The following AQR variants were observed in gnomAD, a reference collection of about 807,000 sequenced individuals.
AQR encodes the protein aquarius intron-binding spliceosomal factor.
In AQR, 61 loss-of-function variants were observed where a neutral mutation model predicts 180.5. The ratio of observed to expected loss-of-function variants is 0.34; its 90% CI spans 0.28 to 0.42. The LOEUF (loss-of-function observed/expected upper bound fraction) is 0.42. Among genes scored for constraint, AQR ranks in the 10% least tolerant of loss-of-function variants. The pLI is 1.00. For missense variants in AQR, 1,281 were observed against 1,798.3 expected, an observed-to-expected ratio of 0.71 and a Z score of 5.20; for synonymous variants, 551 against 588.8, an observed-to-expected ratio of 0.94 and a Z score of 0.93.
intron 9 of AQR, among the ~76,000 whole-genome samples, chr15:34,938,300 G>A (rs1411495121): frequency 2.0e-5 from 3 of 152,140 alleles, no homozygotes; most frequent in Admixed American, 1.3e-4. Flanking sequence ...TTGAGAGGCT[G>A]AGGTGGATGG....
chr15:34,916,899 AAAG>A (rs1893601548), intron 15 of AQR, among the ~76,000 whole-genome samples: 1 of 118,650 alleles, frequency 8.4e-6, no homozygotes, highest in African/African-American at 3.4e-5. Context: ...AAAAAAAAAA[AAAG>A]AAAGAAAGAA....
Position 34,893,656 on chromosome 15 carries a change from C to CAT in AQR, c.2571+5_2571+6dup, listed in dbSNP as rs1893187747. On this transcript the variant is annotated splice_region_variant and intron_variant, in intron 23 of 34. Coordinates refer to ENST00000156471, the MANE Select transcript of AQR (RefSeq NM_014691.3). ...ACACACACACACACACACACACAGTCATTTACCTGATTGGAATGAGTAACA... is the reference window on the plus strand; with the variant it reads ...ACACACACACACACACACACACAGTCATATTTACCTGATTGGAATGAGTAACA... The CAT allele has an allele frequency of 6.5e-7, 1 of 1,548,988 alleles. No homozygotes were observed. Among genetic ancestry groups the CAT allele is most frequent in the African/African-American group, 1.4e-5 (1 of 71,926 alleles).
intron 13 of AQR, among the ~76,000 whole-genome samples, chr15:34,921,742 T>G (rs1893687699): frequency 6.6e-6 from 1 of 152,106 alleles, no homozygotes; most frequent in Admixed American, 6.6e-5. Context: ...GCAACCATAA[T>G]CAGTTTTCTA....
At chr15:34,866,582 G>A (rs1892740468) in intron 32 of AQR, among the ~76,000 whole-genome samples, 1 of 152,054 alleles carries the variant, frequency 6.6e-6, no homozygotes, top group Non-Finnish European at 1.5e-5. Context: ...GTAGGGAGAG[G>A]AGGGGGGCGG....
chr15:34,874,392 CTG>C (rs1423463828), intron 29 of AQR: 1 of 377,958 alleles, frequency 2.6e-6, no homozygotes, highest in African/African-American at 2.1e-5. Context: ...ATTATATTAA[CTG>C]TATATCTTTT....
At chr15:34,951,960 T>C (rs1894240814) in intron 4 of AQR, among the ~76,000 whole-genome samples, 3 of 152,158 alleles carry the variant, frequency 2.0e-5, no homozygotes, top group Admixed American at 2.0e-4. Flanking sequence ...ATAAGATCAT[T>C]TAATAATAAT....
chr15:34,894,528 C>G (rs1016447116), intron 22 of AQR, among the ~76,000 whole-genome samples: 3 of 151,552 alleles, frequency 2.0e-5, no homozygotes, highest in African/African-American at 7.3e-5. Flanking sequence ...GTTCTTCAGA[C>G]AGAAAATGCT....
intron 10 of AQR, among the ~76,000 whole-genome samples, chr15:34,933,223 CAGAAGTT>C (rs58572100): frequency 0.017 from 2,572 of 152,272 alleles, 71 homozygotes; most frequent in African/African-American, 0.057. Flanking sequence ...TTGAGATCCT[CAGAAGTT>C]AGAAGTTAGT....
intron 24 of AQR, among the ~76,000 whole-genome samples, chr15:34,889,996 A>C (rs533837272): frequency 5.8e-4 from 88 of 152,354 alleles, no homozygotes; most frequent in Non-Finnish European, 1.1e-3. Flanking sequence ...CTTCATTAAC[A>C]TAATTGTATA....
intron 18 of AQR, 44 bp from the exon 19 acceptor site, chr15:34,904,549 C>A: frequency 6.6e-7 from 1 of 1,521,462 alleles, no homozygotes; most frequent in South Asian, 1.2e-5. Context: ...ATGTATTTTT[C>A]AAATATCAAA....
chr15:34,961,465 C>T (rs983169467), intron 2 of AQR, among the ~76,000 whole-genome samples: 1 of 151,874 alleles, frequency 6.6e-6, no homozygotes, highest in Non-Finnish European at 1.5e-5. Context: ...CAAATATTAG[C>T]TGGGCGTGGT....
In AQR at chr15:34,856,479, T is replaced by C. The variant is rs1892587099; in HGVS notation, c.*313A>G. 1 of 402,472 alleles carries C rather than the reference T, an allele frequency of 2.5e-6. No individual in the cohort carries two copies. Among genetic ancestry groups the C allele is most frequent in the Non-Finnish European group, 4.4e-6 (1 of 228,252 alleles). The allele number at this position is 402,472 out of a possible 1,614,324, so 24.9% of individuals were successfully genotyped here. On this transcript the variant is annotated 3_prime_UTR_variant, in exon 35 of 35. Coordinates refer to ENST00000156471, the MANE Select transcript of AQR (RefSeq NM_014691.3). ...ATTCTGTCCTCTTCTTTAGAGAAGT[T>C]CACTAAAAATGTGAAGTATATATTA...
chr15:34,952,508 A>T (rs1283681184), intron 4 of AQR, among the ~76,000 whole-genome samples: 1 of 152,230 alleles, frequency 6.6e-6, no homozygotes, highest in Non-Finnish European at 1.5e-5. Context: ...TGAAATATTT[A>T]TATTACTAGT....
At chr15:34,859,973 G>T in intron 34 of AQR, 69 bp downstream of exon 34, 1 of 748,446 alleles carries the variant, frequency 1.3e-6, no homozygotes, top group Non-Finnish European at 2.0e-6. Context: ...GTACTTTAAA[G>T]ATTTATTCTG....
intron 5 of AQR, among the ~76,000 whole-genome samples, chr15:34,946,994 C>A (rs2140500571): frequency 6.6e-6 from 1 of 152,254 alleles, no homozygotes; most frequent in Non-Finnish European, 1.5e-5. Flanking sequence ...CCGGCCACCA[C>A]CCCGTCTGGG....
intron 3 of AQR, among the ~76,000 whole-genome samples, chr15:34,957,231 A>G (rs1049086641): frequency 2.6e-5 from 4 of 151,812 alleles, no homozygotes; most frequent in Non-Finnish European, 4.4e-5. Flanking sequence ...ATTTCAGCTC[A>G]CTGCAACCTC....
chr15:34,855,330 G>A lies in AQR; in HGVS notation c.*1462C>T, dbSNP rs1892573563. On this transcript the variant is annotated 3_prime_UTR_variant, in exon 35 of 35. Coordinates refer to ENST00000156471, the MANE Select transcript of AQR (RefSeq NM_014691.3). ...TTCCTTCAAAATGTCAGGACCAGAA[G>A]GATTTCAATGGTAGTGTGCAGTTCT... 6.6e-6 allele frequency: 1 copy of A among 152,198 alleles called. No homozygotes were observed. The highest frequency in any genetic ancestry group is 1.5e-5 in the Non-Finnish European group (1 of 68,048). The allele number at this position is 152,198 out of a possible 1,614,324, so 9.4% of individuals were successfully genotyped here.
rs544741730 is a variant in AQR at position 34,873,597 on chromosome 15, C to T, written c.3597+231G>A. Among the ~76,000 whole-genome samples, 20 of 152,230 alleles carry T rather than the reference C, an allele frequency of 1.3e-4. No individual in the cohort carries two copies. In the South Asian group the frequency reaches 3.9e-3, roughly 30 times the overall value. Reference sequence around the variant, plus strand: ...GTAACAAGCTTAGGAAGACCTTTCTCACTCCAACACTGTATATTCATTAAT... The same window carrying T: ...GTAACAAGCTTAGGAAGACCTTTCTTACTCCAACACTGTATATTCATTAAT... On this transcript the variant is annotated intron_variant, in intron 30 of 34. Transcript: ENST00000156471.
intron 1 of AQR, 87 bp downstream of exon 1, chr15:34,969,452 C>A: frequency 6.9e-7 from 1 of 1,452,048 alleles, no homozygotes. Flanking sequence ...CTCCGGACTC[C>A]TAAATCCTGA....
Sources: gnomAD v4.1 joint callset for allele counts (sites outside exome capture counted in the v4.1 genomes callset) on GRCh38, gnomAD v4.1.1 for gene constraint, MANE v1.5 for transcripts, NCBI Gene and HGNC (gene_info 2026-07-23, HGNC 2026-07-21) for gene names.